GRAMD1C: variants seen among roughly 807,000 people sequenced by gnomAD.
The protein encoded by GRAMD1C is protein Aster-C.
GRAMD1C carries 89 observed loss-of-function variants against 97.8 expected under a neutral mutation model. The ratio of observed to expected loss-of-function variants is 0.91; its 90% CI spans 0.77 to 1.09. The LOEUF is 1.09. Among genes scored for constraint, GRAMD1C ranks in the 50% least tolerant of loss-of-function variants. The probability of loss-of-function intolerance (pLI) is 0.00; values close to 1 mark genes in which losing one functional copy is unlikely to be tolerated. For synonymous variants in GRAMD1C, 256 were observed against 267.0 expected (o/e 0.96, Z 0.40); for missense variants, 740 against 766.4 (o/e 0.97, Z 0.41).
At chr3:113,932,331 GGTAT>G (rs966560379) in intron 11 of GRAMD1C, among the ~76,000 whole-genome samples, 2 of 152,072 alleles carry the variant, frequency 1.3e-5, no homozygotes, top group Admixed American at 6.5e-5. Context: ...CTGGTATTTT[GGTAT>G]TGGAGGGTCT....
intron 3 of GRAMD1C, among the ~76,000 whole-genome samples, chr3:113,870,408 G>T (rs1434973218): frequency 6.6e-6 from 1 of 151,778 alleles, no homozygotes; most frequent in Non-Finnish European, 1.5e-5. Flanking sequence ...AGAGTAGAAT[G>T]ATGGTTACCA....
Position 113,851,148 on chromosome 3 carries a change from T to C in GRAMD1C, c.174+6499T>C, listed in dbSNP as rs1005599444. Among the ~76,000 whole-genome samples the C allele has an allele frequency of 1.5e-4, 23 of 152,304 alleles. No homozygotes were observed. The East Asian group carries it at 4.4e-3, about 29-fold the overall frequency. ...TTAGCTAATCATTGTATTTTTAAAC[T>C]GGAGGGATTTGTAAAGTTTTCTGAA... is the stretch of plus-strand genomic sequence containing the variant. On this transcript the variant is annotated intron_variant, in intron 2 of 17. Transcript: ENST00000358160.
In GRAMD1C at chr3:113,838,905, C is replaced by T. The variant is rs1430887493; in HGVS notation, c.-5C>T. On this transcript the variant is annotated 5_prime_UTR_variant, in exon 1 of 18. Transcript: ENST00000358160. ...GGCGGTGCCGCGGCGGCGGAGGGAG[C>T]CGCGATGGAGGGCGCTCCGACTGTC... is the stretch of plus-strand genomic sequence containing the variant. The T allele has an allele frequency of 1.4e-5, 17 of 1,231,240 alleles. No individual in the cohort carries two copies. Among genetic ancestry groups the T allele is most frequent in the Non-Finnish European group, 1.7e-5 (17 of 986,938 alleles). The allele number at this position is 1,231,240 out of a possible 1,614,324, so 76.3% of individuals were successfully genotyped here. A position where few individuals can be genotyped will look rare whatever the true frequency, so the allele number is the denominator to read the frequency against.
upstream of GRAMD1C, among the ~76,000 whole-genome samples, chr3:113,834,556 G>A (rs946803472): frequency 2.0e-5 from 3 of 152,056 alleles, no homozygotes; most frequent in Admixed American, 2.0e-4. Flanking sequence ...TGTACTTTTT[G>A]TCAAACTAGT....
intron 2 of GRAMD1C, among the ~76,000 whole-genome samples, chr3:113,865,717 C>T (rs981399613): frequency 1.3e-5 from 2 of 151,998 alleles, no homozygotes; most frequent in Non-Finnish European, 2.9e-5. Flanking sequence ...TGTATTAGAC[C>T]TCCTCACTGT....
chr3:113,875,171 C>A (rs528170878), intron 3 of GRAMD1C, among the ~76,000 whole-genome samples: 2 of 152,240 alleles, frequency 1.3e-5, no homozygotes, highest in African/African-American at 4.8e-5. Flanking sequence ...GATGCACACT[C>A]TCTGCCCTGC....
In GRAMD1C at chr3:113,843,619, C is replaced by T. The variant is rs190677816; in HGVS notation, c.28-884C>T. Among the ~76,000 whole-genome samples, 12 of 152,124 alleles carry T rather than the reference C, an allele frequency of 7.9e-5. No individual in the cohort carries two copies. In the East Asian group the frequency reaches 2.1e-3, roughly 27 times the overall value. On this transcript the variant is annotated intron_variant, in intron 1 of 17. Coordinates refer to ENST00000358160, the MANE Select transcript of GRAMD1C (RefSeq NM_017577.5). ...CTCAGCTTCCGAGTAGCTGGGACTA[C>T]AGGCCACCATGCCTGGCTAATTTTT... is the stretch of plus-strand genomic sequence containing the variant.
rs186516376 is a variant in GRAMD1C, at chr3:113,850,318, T to G, written c.174+5669T>G. ...TTGCTGACACAGCCCCAGCCTCGAC[T>G]TTCTTGTTGGCACCAGGGGGCACAA... On this transcript the variant is annotated intron_variant, in intron 2 of 17. Transcript: ENST00000358160. 12 of 719,514 alleles carry G rather than the reference T, an allele frequency of 1.7e-5. No homozygotes were observed. The East Asian group carries it at 3.3e-4, about 20-fold the overall frequency. 44.6% of individuals were successfully genotyped at this position (719,514 alleles called of 1,614,324 possible). A position where few individuals can be genotyped will look rare whatever the true frequency, so the allele number is the denominator to read the frequency against.
chr3:113,882,689 A>G (rs1242886856), intron 5 of GRAMD1C, 63 bp from the exon 6 acceptor site: 3 of 955,684 alleles, frequency 3.1e-6, no homozygotes, highest in Non-Finnish European at 3.4e-6. Context: ...ATAGACTTTC[A>G]TGACAGATAA....
At chr3:113,859,411 T>G (rs1369741176) in intron 2 of GRAMD1C, among the ~76,000 whole-genome samples, 1 of 152,208 alleles carries the variant, frequency 6.6e-6, no homozygotes, top group East Asian at 1.9e-4. Context: ...TTTCTATGAT[T>G]GATTTCTAGT....
chr3:113,919,556 C>A, intron 10 of GRAMD1C: 1 of 558,232 alleles, frequency 1.8e-6, no homozygotes, highest in Non-Finnish European at 3.5e-6. Flanking sequence ...TGAGTTTATG[C>A]AAGTTAAAAA....
chr3:113,833,926 T>A (rs1467430585), upstream of GRAMD1C, among the ~76,000 whole-genome samples: 1 of 152,204 alleles, frequency 6.6e-6, no homozygotes, highest in Non-Finnish European at 1.5e-5. Flanking sequence ...TTTTAAAAAT[T>A]ATTATGAAAC....
chr3:113,888,017 A>G (rs1935581021), intron 6 of GRAMD1C, among the ~76,000 whole-genome samples: 1 of 152,198 alleles, frequency 6.6e-6, no homozygotes, highest in South Asian at 2.1e-4. Context: ...ACCACAGAGA[A>G]AAGCCCAGGC....
chr3:113,900,909 A>C, intron 6 of GRAMD1C, 122 bp from the exon 7 acceptor site: 1 of 539,042 alleles, frequency 1.9e-6, no homozygotes. Context: ...AATAACTACC[A>C]AAGCCCCATA....
Position 113,940,320 on chromosome 3 carries a change from G to A in GRAMD1C, c.1883G>A (p.Arg628Gln), listed in dbSNP as rs201181983. Residue 628 changes from arginine to glutamine, a missense_variant, in exon 17 of 18, where the codon CGA (arginine) becomes CAA (glutamine). By Grantham distance (43) the Arg-to-Gln change is conservative. Coordinates refer to ENST00000358160, the MANE Select transcript of GRAMD1C (RefSeq NM_017577.5). Reference sequence around the variant, plus strand: ...GCCCATCGTTTAAAGGGAGTGCTCCGAGACTCCATAGTGATGCTTGAACAG... The same window carrying A: ...GCCCATCGTTTAAAGGGAGTGCTCCAAGACTCCATAGTGATGCTTGAACAG... ...DQAHRLKGVLRDSIVMLEQLK... is the reference protein window; with the variant it reads ...DQAHRLKGVLQDSIVMLEQLK... 9.6e-5 allele frequency: 154 copies of A among 1,596,706 alleles called. 1 individual carries two copies. The South Asian group carries it at 9.8e-4, about 10-fold the overall frequency.
Position 113,933,682 on chromosome 3 carries a change from A to C in GRAMD1C, c.1352+29A>C, listed in dbSNP as rs367635749. The C allele has an allele frequency of 6.9e-5, 105 of 1,519,558 alleles. No individual in the cohort carries two copies. The Middle Eastern group carries it at 2.0e-3, about 30-fold the overall frequency. The allele number at this position is 1,519,558 out of a possible 1,614,324, so 94.1% of individuals were successfully genotyped here. ...AGCTGCTGTACATGAATGTGTTAGG[A>C]TAGGCTAGATTATGTCCTGGTAATT... is the stretch of plus-strand genomic sequence containing the variant. On this transcript the variant is annotated intron_variant, in intron 12 of 17. Coordinates refer to ENST00000358160, the MANE Select transcript of GRAMD1C (RefSeq NM_017577.5).
intron 11 of GRAMD1C, among the ~76,000 whole-genome samples, chr3:113,932,370 AC>A (rs1190071365): frequency 5.9e-5 from 9 of 152,026 alleles, no homozygotes; most frequent in African/African-American, 2.2e-4. Flanking sequence ...AGCCCCCCCA[AC>A]CCCCTTACAG....
intron 2 of GRAMD1C, among the ~76,000 whole-genome samples, chr3:113,845,646 A>T (rs555958018): frequency 6.6e-6 from 1 of 152,304 alleles, no homozygotes; most frequent in East Asian, 1.9e-4. Context: ...TTGAGGCTGC[A>T]TTGAGCCATG....
At position 113,936,398 on chromosome 3, in the gene GRAMD1C, A is replaced by G; in HGVS notation, c.1589A>G (p.His530Arg). Residue 530 changes from histidine (H) to arginine (R), a missense_variant, in exon 14 of 18, where the codon CAT (histidine) becomes CGT (arginine). Transcript: ENST00000358160. ...AETVPKLSSQ[H>R]SSGDVGLGAK... ...ACAGTTCCTAAACTTTCCTCTCAGCATTCCTCTGGAGATGTGGGCTTAGGT... is the reference window on the plus strand; with the variant it reads ...ACAGTTCCTAAACTTTCCTCTCAGCGTTCCTCTGGAGATGTGGGCTTAGGT... 3 of 1,613,664 alleles carry G rather than the reference A, an allele frequency of 1.9e-6. No homozygotes were observed. The highest frequency in any genetic ancestry group is 2.5e-6 in the Non-Finnish European group (3 of 1,179,694).
Sources: gnomAD v4.1 joint callset for allele counts (sites outside exome capture counted in the v4.1 genomes callset) on GRCh38, gnomAD v4.1.1 for gene constraint, MANE v1.5 for transcripts, NCBI Gene and HGNC (gene_info 2026-07-23, HGNC 2026-07-21) for gene names.